NFASC: variants seen among roughly 807,000 people sequenced by gnomAD.
NFASC encodes neurofascin.
NFASC carries 43 observed loss-of-function variants against 147.5 expected under a neutral mutation model. The ratio of observed to expected loss-of-function variants is 0.29; its 90% confidence interval spans 0.23 to 0.38. The LOEUF is 0.38. Ranked by LOEUF, NFASC falls within the 10% of genes least tolerant of loss-of-function variation. The probability of loss-of-function intolerance (pLI) is 1.00; values close to 1 mark genes in which losing one functional copy is unlikely to be tolerated. For synonymous variants in NFASC, 622 were observed against 665.5 expected, an observed-to-expected ratio of 0.93 and a Z score of 1.01; for missense variants, 1,320 against 1,689.0, an observed-to-expected ratio of 0.78 and a Z score of 3.83.
In NFASC at chr1:204,979,924, C is replaced by A. The variant is rs6703968; in HGVS notation, c.2176+365C>A. Among the ~76,000 whole-genome samples, 1,251 of 152,332 alleles carry A rather than the reference C, an allele frequency of 8.2e-3. 8 individuals are homozygous for A. Among genetic ancestry groups the A allele is most frequent in the African/African-American group, 0.029 (1,194 of 41,562 alleles). On this transcript the variant is annotated intron_variant, in intron 19 of 29. Coordinates refer to ENST00000339876, the MANE Select transcript of NFASC (RefSeq NM_001005388.3). The surrounding 1 kb of genome is among the most constrained non-coding windows in gnomAD (Gnocchi z 6.0). The stretch of plus-strand genomic sequence containing the variant: ...TATAAATTGGTATTACATCAGATTT[C>A]TTTTCCTAACACTCTTGGGTAATAT...
Position 204,897,649 on chromosome 1 carries a change from C to G in NFASC, c.-199-22983C>G, listed in dbSNP as rs557866752. 1.8e-4 allele frequency among the ~76,000 whole-genome samples: 28 copies of G among 151,952 alleles called. No homozygotes were observed. In the South Asian group the frequency reaches 5.8e-3, roughly 32 times the overall value. On this transcript the variant is annotated intron_variant, in intron 1 of 29. Coordinates refer to ENST00000339876, the MANE Select transcript of NFASC (RefSeq NM_001005388.3). Reference sequence around the variant, plus strand: ...AGTGCAGTGGCACAATCATGGCTCACTGCAGCCTCAACCTCCTGGGTTCAA... The same window carrying G: ...AGTGCAGTGGCACAATCATGGCTCAGTGCAGCCTCAACCTCCTGGGTTCAA...
At chr1:204,918,564 T>C (rs2089789245) in intron 1 of NFASC, among the ~76,000 whole-genome samples, 1 of 151,656 alleles carries the variant, frequency 6.6e-6, no homozygotes, top group Admixed American at 6.6e-5. Flanking sequence ...TTATCTTCAT[T>C]TTTACATAAT....
At chr1:204,887,258 C>T (rs1273244395) in intron 1 of NFASC, among the ~76,000 whole-genome samples, 1 of 152,152 alleles carries the variant, frequency 6.6e-6, no homozygotes, top group Non-Finnish European at 1.5e-5. Context: ...AGTATTCGTC[C>T]TTTTGTGAGT....
In NFASC at chr1:205,012,789, T is replaced by C; in HGVS notation, c.3422-8T>C. Reference sequence around the variant, plus strand: ...GTGTCTGTGTCTTTGCTTCTCCTTTTGACCAAGTACGAGAAAAGAAGGATG... The same window carrying C: ...GTGTCTGTGTCTTTGCTTCTCCTTTCGACCAAGTACGAGAAAAGAAGGATG... On this transcript the variant is annotated splice_region_variant and splice_polypyrimidine_tract_variant and intron_variant, in intron 28 of 29. Coordinates refer to ENST00000339876, the MANE Select transcript of NFASC (RefSeq NM_001005388.3). 1.2e-6 allele frequency: 2 copies of C among 1,609,834 alleles called. No homozygotes were observed. Among genetic ancestry groups the C allele is most frequent in the Non-Finnish European group, 1.7e-6 (2 of 1,176,098 alleles).
At chr1:204,976,383 C>T (rs1332444592) in intron 15 of NFASC, among the ~76,000 whole-genome samples, 1 of 152,192 alleles carries the variant, frequency 6.6e-6, no homozygotes, top group Non-Finnish European at 1.5e-5. Flanking sequence ...GTGCACAGCA[C>T]AGTAAAGGCA....
At chr1:204,879,656 A>G (rs2079738086) in intron 1 of NFASC, among the ~76,000 whole-genome samples, 2 of 152,138 alleles carry the variant, frequency 1.3e-5, no homozygotes, top group Non-Finnish European at 1.5e-5. Context: ...GGACTGTGGG[A>G]TTTATTTTTA....
At chr1:204,943,462 A>G (rs181694242) in intron 2 of NFASC, among the ~76,000 whole-genome samples, 68 of 152,320 alleles carry the variant, frequency 4.5e-4, no homozygotes, top group Non-Finnish European at 8.5e-4. Context: ...CAACCACCTG[A>G]AGCCCGCTTC....
intron 8 of NFASC, among the ~76,000 whole-genome samples, chr1:204,963,081 G>C (rs1175706023): frequency 6.6e-6 from 1 of 152,162 alleles, no homozygotes; most frequent in Non-Finnish European, 1.5e-5. Context: ...ACTGTGGGCT[G>C]AAACAGATAG....
chr1:204,868,595 T>C (rs2077310604), intron 1 of NFASC, among the ~76,000 whole-genome samples: 1 of 152,092 alleles, frequency 6.6e-6, no homozygotes, highest in Non-Finnish European at 1.5e-5. Flanking sequence ...GCTCCCTGGG[T>C]TGAGAAAGGG....
At position 204,981,988 on chromosome 1, in the gene NFASC, C is replaced by A. The variant is rs1248737834; in HGVS notation, c.2438C>A (p.Pro813Gln). 6.3e-7 allele frequency: 1 copy of A among 1,595,816 alleles called. No individual in the cohort carries two copies. The highest frequency in any genetic ancestry group is 1.7e-5 in the Admixed American group (1 of 57,450). Residue 813 changes from proline (P) to glutamine (Q), a missense_variant, in exon 21 of 30, where the codon CCA becomes CAA. This residue lies in a region of NFASC where 981 missense variants were observed against 1,289.5 expected (regional missense o/e 0.76). Coordinates refer to ENST00000339876, the MANE Select transcript of NFASC (RefSeq NM_001005388.3). Reference sequence around the variant, plus strand: ...AATGACTTCGGGAAGGGCCCTGAGCCAGAGTCCGTCATCGGTTACTCCGGA... The same window carrying A: ...AATGACTTCGGGAAGGGCCCTGAGCAAGAGTCCGTCATCGGTTACTCCGGA... ...AENDFGKGPE[P>Q]ESVIGYSGED...
rs538052865 is a variant in NFASC, at chr1:204,949,430, A to T, written c.92-1127A>T. On this transcript the variant is annotated intron_variant, in intron 3 of 29. Coordinates refer to ENST00000339876, the MANE Select transcript of NFASC (RefSeq NM_001005388.3). ...TGCTGGCAGCTCGCAGCTCCCCACA[A>T]GGAGCCCTCACTCTGAAAAAGTCAG... 1.6e-4 allele frequency among the ~76,000 whole-genome samples: 25 copies of T among 152,350 alleles called. No individual in the cohort carries two copies. The East Asian group carries it at 4.4e-3, about 27-fold the overall frequency.
At chr1:204,837,252 A>G (rs1254704144) in intron 1 of NFASC, among the ~76,000 whole-genome samples, 1 of 152,212 alleles carries the variant, frequency 6.6e-6, no homozygotes, top group East Asian at 1.9e-4. Context: ...TTCTGAAGAG[A>G]AGTGGGGGTT....
At chr1:204,944,455 A>ATT in intron 3 of NFASC, 49 bp downstream of exon 3, 1 of 385,426 alleles carries the variant, frequency 2.6e-6, no homozygotes, top group Non-Finnish European at 5.1e-6. Context: ...TTTTGGGCAG[A>ATT]GGGGTGGGAG....
Position 205,001,224 on chromosome 1 carries a change from CCAA to C in NFASC, c.3077_3079del (p.Asn1026del). 6.2e-7 allele frequency: 1 copy of C among 1,612,778 alleles called. No individual in the cohort carries two copies. The highest frequency in any genetic ancestry group is 8.5e-7 in the Non-Finnish European group (1 of 1,179,396). Reference sequence around the variant, plus strand: ...ACGGTGCTCCCCAACAGTAAATGGGCCAACATCACCTGGAAGCACAATTTCGGG... The same window carrying C: ...ACGGTGCTCCCCAACAGTAAATGGGCCATCACCTGGAAGCACAATTTCGGG... On this transcript the variant is annotated inframe_deletion, in exon 26 of 30. Coordinates refer to ENST00000339876, the MANE Select transcript of NFASC (RefSeq NM_001005388.3).
chr1:204,875,470 G>A (rs1215069722), intron 1 of NFASC, among the ~76,000 whole-genome samples: 4 of 152,234 alleles, frequency 2.6e-5, no homozygotes, highest in African/African-American at 9.6e-5. Context: ...GAAGAACAGA[G>A]TAGGGAATCT....
intron 1 of NFASC, among the ~76,000 whole-genome samples, chr1:204,845,737 A>G (rs1488695305): frequency 6.6e-6 from 1 of 152,056 alleles, no homozygotes; most frequent in Non-Finnish European, 1.5e-5. Flanking sequence ...TGCCATTTCT[A>G]AAAAAATTTT....
At chr1:204,977,225 C>T (rs1395297094) in intron 16 of NFASC, 4 of 554,328 alleles carry the variant, frequency 7.2e-6, no homozygotes, top group Admixed American at 5.6e-5. Context: ...GTTTTGGTAG[C>T]GTTTCATCAC....
intron 2 of NFASC, among the ~76,000 whole-genome samples, chr1:204,926,629 G>T (rs536967314): frequency 1.3e-5 from 2 of 150,714 alleles, no homozygotes; most frequent in Non-Finnish European, 3.0e-5. Context: ...GCCCAGGCTG[G>T]TCTTGAACTC....
Position 204,984,357 on chromosome 1 carries a change from A to ATATG in NFASC, c.2470+2338_2470+2339insATGT, listed in dbSNP as rs1553306518. 2.9e-3 allele frequency: 553 copies of ATATG among 192,320 alleles called. 4 individuals carry two copies. Among genetic ancestry groups the ATATG allele is most frequent in the African/African-American group, 0.012 (441 of 36,242 alleles). The allele number at this position is 192,320 out of a possible 1,614,324, so 11.9% of individuals were successfully genotyped here. On this transcript the variant is annotated intron_variant, in intron 21 of 29. Coordinates refer to ENST00000339876, the MANE Select transcript of NFASC (RefSeq NM_001005388.3). ...TGTGTGTGTGTGTGTATATATATATATGTGTGTGTGTGTATATATATACGC... is the reference window on the plus strand; with the variant it reads ...TGTGTGTGTGTGTGTATATATATATATATGTGTGTGTGTGTGTATATATATACGC...
Sources: gnomAD v4.1 joint callset for allele counts (sites outside exome capture counted in the v4.1 genomes callset) on GRCh38, gnomAD v4.1.1 for gene constraint, gnomAD v4.1.1 regional missense constraint, Gnocchi (gnomAD v3.1) non-coding constraint, MANE v1.5 for transcripts, NCBI Gene and HGNC (gene_info 2026-07-23, HGNC 2026-07-21) for gene names.